The following OLFM3 variants were observed in gnomAD, a reference collection of about 807,000 sequenced individuals.
The protein encoded by OLFM3 is olfactomedin 3.
A neutral mutation model predicts 48.6 loss-of-function variants in OLFM3; 20 were observed. The observed-to-expected ratio is 0.41, with a 90% confidence interval of 0.29 to 0.60. The LOEUF is 0.60. Among genes scored for constraint, OLFM3 ranks in the 20% least tolerant of loss-of-function variants. The probability of loss-of-function intolerance (pLI) is 0.28; values close to 1 mark genes in which losing one functional copy is unlikely to be tolerated. For missense variants in OLFM3, 437 were observed against 544.3 expected (o/e 0.80, Z 1.96); for synonymous variants, 222 against 198.1 (o/e 1.12, Z -1.01).
intron 1 of OLFM3, among the ~76,000 whole-genome samples, chr1:101,937,566 C>A (rs1179600310): frequency 1.3e-5 from 2 of 152,126 alleles, no homozygotes; most frequent in Non-Finnish European, 2.9e-5. Flanking sequence ...TCTGCACAAG[C>A]TCTCTATTTG....
chr1:101,988,485 A>G (rs993200291), intron 1 of OLFM3, among the ~76,000 whole-genome samples: 4 of 152,130 alleles, frequency 2.6e-5, no homozygotes, highest in African/African-American at 9.7e-5. Context: ...AACCTGGCAT[A>G]AGAGTTCTAA....
At chr1:101,898,242 G>A (rs965414400) in intron 1 of OLFM3, among the ~76,000 whole-genome samples, 2 of 152,216 alleles carry the variant, frequency 1.3e-5, no homozygotes, top group Middle Eastern at 3.4e-3. Context: ...AATATTGAGT[G>A]GAATATCTGA....
intron 1 of OLFM3, among the ~76,000 whole-genome samples, chr1:101,909,704 G>A (rs1658683740): frequency 6.6e-6 from 1 of 152,100 alleles, no homozygotes; most frequent in Admixed American, 6.5e-5. Flanking sequence ...CTTGTCATAT[G>A]TCTCAATTAT....
chr1:101,861,422 T>C (rs1656651663), intron 1 of OLFM3, among the ~76,000 whole-genome samples: 1 of 152,248 alleles, frequency 6.6e-6, no homozygotes, highest in African/African-American at 2.4e-5. Context: ...CATCACTGGC[T>C]GCTGCCTAGA....
intron 1 of OLFM3, among the ~76,000 whole-genome samples, chr1:101,989,179 G>A (rs911993546): frequency 1.3e-5 from 2 of 151,940 alleles, no homozygotes; most frequent in Non-Finnish European, 2.9e-5. Flanking sequence ...TCCAGGGAGA[G>A]GCAAAACCAT....
intron 2 of OLFM3, 44 bp downstream of exon 2, chr1:101,836,835 G>A (rs1570542894): frequency 1.3e-6 from 2 of 1,588,654 alleles, no homozygotes; most frequent in Admixed American, 1.7e-5. Flanking sequence ...TGAAAGAATG[G>A]TCGATTTTAC....
At chr1:101,969,894 A>T (rs1390476389) in intron 1 of OLFM3, among the ~76,000 whole-genome samples, 2 of 152,218 alleles carry the variant, frequency 1.3e-5, no homozygotes, top group African/African-American at 2.4e-5. Flanking sequence ...CTTGATTAAA[A>T]AGGGGAGCAT....
rs11369836 is a variant in OLFM3 at position 101,840,473 on chromosome 1, A to ATT, written c.70-3450_70-3449dup. 3.5e-3 allele frequency among the ~76,000 whole-genome samples: 506 copies of ATT among 143,374 alleles called. 2 individuals carry two copies. The highest frequency in any genetic ancestry group is 5.7e-3 in the African/African-American group (221 of 38,800). The allele number at this position is 143,374 out of a possible 152,430, so 94.1% of individuals were successfully genotyped here. A position where few individuals can be genotyped will look rare whatever the true frequency, so the allele number is the denominator to read the frequency against. ...GTACTGAGAGAGTCTTATTTCAGAG[A>ATT]TTTTTTTTTTTTTTTGAGACAGGTT... On this transcript the variant is annotated intron_variant, in intron 1 of 5. Transcript: ENST00000370103.
chr1:101,955,477 AC>A (rs1660260787), intron 1 of OLFM3, among the ~76,000 whole-genome samples: 1 of 151,906 alleles, frequency 6.6e-6, no homozygotes, highest in African/African-American at 2.4e-5. Flanking sequence ...ATATTCGATA[AC>A]CTATTTTCAG....
chr1:101,825,341 A>G, intron 3 of OLFM3, 96 bp from the exon 4 acceptor site: 2 of 954,612 alleles, frequency 2.1e-6, no homozygotes, highest in Non-Finnish European at 1.5e-6. Flanking sequence ...TTATTAAAAC[A>G]GCTTCAACAT....
At chr1:101,842,193 T>C (rs1047784378) in intron 1 of OLFM3, among the ~76,000 whole-genome samples, 4 of 152,074 alleles carry the variant, frequency 2.6e-5, no homozygotes, top group Middle Eastern at 3.2e-3. Context: ...AAAACAACTA[T>C]AAAAGCAAAA....
intron 1 of OLFM3, among the ~76,000 whole-genome samples, chr1:101,850,474 G>T (rs578308): frequency 6.6e-6 from 1 of 151,994 alleles, no homozygotes; most frequent in East Asian, 1.9e-4. Context: ...TCTGTCATTA[G>T]AATTTTATTT....
At chr1:101,940,827 A>G (rs1013202564) in intron 1 of OLFM3, among the ~76,000 whole-genome samples, 12 of 152,038 alleles carry the variant, frequency 7.9e-5, no homozygotes, top group Admixed American at 5.9e-4. Flanking sequence ...ATCCAAATAC[A>G]TATTTATGTC....
chr1:101,903,685 G>A (rs971761980), intron 1 of OLFM3, among the ~76,000 whole-genome samples: 1 of 151,972 alleles, frequency 6.6e-6, no homozygotes, highest in Admixed American at 6.6e-5. Context: ...TTTCCTGCAT[G>A]TCCTATCAAA....
At chr1:101,846,466 TG>T (rs1655998322) in intron 1 of OLFM3, among the ~76,000 whole-genome samples, 2 of 152,156 alleles carry the variant, frequency 1.3e-5, no homozygotes, top group Non-Finnish European at 2.9e-5. Flanking sequence ...GAATATACTT[TG>T]TAGCTTACTT....
At position 101,804,692 on chromosome 1, in the gene OLFM3, A is replaced by G. The variant is rs767368528; in HGVS notation, c.923T>C (p.Leu308Pro). Residue 308 changes from leucine to proline, a missense_variant, in exon 6 of 6, where the codon CTG becomes CCG. Around this residue, in one of 3 missense-constraint regions of OLFM3, gnomAD observed 314 missense variants for 365.5 expected, o/e 0.86. Coordinates refer to ENST00000370103, the MANE Select transcript of OLFM3 (RefSeq NM_058170.4). This position sits in a 1 kb window ranked among gnomAD's most constrained non-coding sequence, Gnocchi z 4.5. Reference sequence around the variant, plus strand: ...AACATTATGAAAACCAGCATACTCCAGGCTTCGTTGGGCAAGCACTCTCCC... The same window carrying G: ...AACATTATGAAAACCAGCATACTCCGGGCTTCGTTGGGCAAGCACTCTCCC... ...DMGRVLAQRS[L>P]EYAGFHNVYP... is the part of the protein sequence containing the mutation. The G allele has an allele frequency of 1.6e-5, 26 of 1,612,562 alleles. No individual in the cohort carries two copies. Among genetic ancestry groups the G allele is most frequent in the Non-Finnish European group, 2.1e-5 (25 of 1,179,184 alleles).
intron 1 of OLFM3, chr1:101,882,985 T>A (rs1657596282): frequency 6.6e-6 from 1 of 151,940 alleles, no homozygotes; most frequent in African/African-American, 2.4e-5. Context: ...TCAGAATGTC[T>A]CTGGGCATAG....
chr1:101,900,654 A>G (rs1263548431), intron 1 of OLFM3, among the ~76,000 whole-genome samples: 1 of 152,120 alleles, frequency 6.6e-6, no homozygotes, highest in Non-Finnish European at 1.5e-5. Context: ...TAAAGTAGAA[A>G]AAAAATGGTA....
chr1:101,825,218 G>C lies in OLFM3; in HGVS notation c.400C>G (p.Leu134Val), dbSNP rs760280139. The C allele has an allele frequency of 6.2e-7, 1 of 1,613,834 alleles. No individual in the cohort carries two copies. Among genetic ancestry groups the C allele is most frequent in the African/African-American group, 1.3e-5 (1 of 74,910 alleles). Residue 134 changes from leucine (L) to valine (V), a missense_variant, in exon 4 of 6, where the codon CTG (leucine) becomes GTG (valine). Coordinates refer to ENST00000370103, the MANE Select transcript of OLFM3 (RefSeq NM_058170.4). ...TGTTCCAGCACGGGGATCAAAGGCA[G>C]GAGCTCGTCCATTTTCTCTTTCAAC... ...QELKEKMDELLPLIPVLEQYK... is the reference protein window; with the variant it reads ...QELKEKMDELVPLIPVLEQYK...
Sources: gnomAD v4.1 joint callset for allele counts (sites outside exome capture counted in the v4.1 genomes callset) on GRCh38, gnomAD v4.1.1 for gene constraint, gnomAD v4.1.1 regional missense constraint, Gnocchi (gnomAD v3.1) non-coding constraint, MANE v1.5 for transcripts, NCBI Gene and HGNC (gene_info 2026-07-23, HGNC 2026-07-21) for gene names.